RANBP1: variants seen among roughly 807,000 people sequenced by gnomAD.
RANBP1 encodes RAN binding protein 1, also known as ran-specific GTPase-activating protein.
RANBP1 carries 16 observed loss-of-function variants against 31.4 expected under a neutral mutation model. The observed-to-expected ratio is 0.51, with a 90% confidence interval of 0.34 to 0.77. The LOEUF (loss-of-function observed/expected upper bound fraction) is 0.77, where lower values mean the gene tolerates loss of function less well. RANBP1 is among the 30% of genes least tolerant of loss of function. RANBP1 has a pLI of 0.01. For synonymous variants in RANBP1, 129 were observed against 140.5 expected (o/e 0.92, Z 0.58); for missense variants, 265 against 362.0 (o/e 0.73, Z 2.17).
chr22:20,117,533 G>A, intron 1 of RANBP1: 2 of 1,360,800 alleles, frequency 1.5e-6, no homozygotes, highest in South Asian at 1.5e-5. Context: ...AGGGAAGAGC[G>A]GGCGGGCGGG....
intron 3 of RANBP1, 91 bp downstream of exon 3, chr22:20,122,512 G>T: frequency 6.3e-7 from 1 of 1,597,078 alleles, no homozygotes; most frequent in Non-Finnish European, 8.5e-7. Flanking sequence ...ACTGGGGAGC[G>T]TGTTATTTCA....
chr22:20,118,050 A>G, intron 1 of RANBP1: 1 of 994,420 alleles, frequency 1.0e-6, no homozygotes, highest in Non-Finnish European at 1.2e-6. Flanking sequence ...TCGCCCACGC[A>G]GCACTTCATT....
Position 20,118,090 on chromosome 22 carries a change from T to C in RANBP1, c.247-923T>C, listed in dbSNP as rs181848397. ...CGGTTCTTACGTCTGGAACCGCCAC[T>C]GGCCTCTGTGGCAGAAGCTCGCGTT... is the stretch of plus-strand genomic sequence containing the variant. On this transcript the variant is annotated intron_variant, in intron 1 of 5. Coordinates refer to ENST00000430524, the MANE Select transcript of RANBP1 (RefSeq NM_001278639.2). 9 of 999,566 alleles carry C rather than the reference T, an allele frequency of 9.0e-6. No homozygotes were observed. The East Asian group carries it at 4.5e-4, about 50-fold the overall frequency. 61.9% of individuals were successfully genotyped at this position (999,566 alleles called of 1,614,324 possible).
At chr22:20,121,913 AT>A (rs2050178985) in intron 2 of RANBP1, among the ~76,000 whole-genome samples, 1 of 149,490 alleles carries the variant, frequency 6.7e-6, no homozygotes, top group South Asian at 2.1e-4. Context: ...TGATTTTTGT[AT>A]TTGTAGTAGA....
At chr22:20,120,621 C>G (rs965530304) in intron 2 of RANBP1, among the ~76,000 whole-genome samples, 2 of 152,208 alleles carry the variant, frequency 1.3e-5, no homozygotes, top group African/African-American at 2.4e-5. Context: ...CCTGAGTGCA[C>G]TGCTGGATTC....
chr22:20,117,553 C>T (rs1431456908), intron 1 of RANBP1: 3 of 1,405,752 alleles, frequency 2.1e-6, no homozygotes, highest in East Asian at 3.2e-5. Flanking sequence ...GAGGCGCCGG[C>T]GCCAGACGCG....
At chr22:20,119,917 G>A (rs1380831841) in intron 2 of RANBP1, among the ~76,000 whole-genome samples, 1 of 152,188 alleles carries the variant, frequency 6.6e-6, no homozygotes, top group Non-Finnish European at 1.5e-5. Context: ...GCTTCTTGAC[G>A]CTTTCAGTTA....
At chr22:20,125,817 C>G (rs1212363103) in intron 4 of RANBP1, among the ~76,000 whole-genome samples, 2 of 152,276 alleles carry the variant, frequency 1.3e-5, no homozygotes, top group Non-Finnish European at 2.9e-5. Flanking sequence ...CCAGGGGCCC[C>G]TCATGGTTGC....
At chr22:20,116,763 TC>T in intron 1 of RANBP1, 1 of 1,332,256 alleles carries the variant, frequency 7.5e-7, no homozygotes, top group Non-Finnish European at 1.0e-6. Flanking sequence ...CCCATTCCCG[TC>T]TCCTTTCCTC....
At chr22:20,125,542 T>C (rs1035490502) in intron 4 of RANBP1, 106 bp downstream of exon 4, 10 of 1,540,452 alleles carry the variant, frequency 6.5e-6, no homozygotes, top group Non-Finnish European at 8.7e-6. Flanking sequence ...GAGGGGGCAG[T>C]AACTGGGAAG....
At position 20,119,159 on chromosome 22, in the gene RANBP1, C is replaced by T. The variant is rs2050119807; in HGVS notation, c.383+10C>T. 1.2e-6 allele frequency: 2 copies of T among 1,610,336 alleles called. No individual in the cohort carries two copies. The highest frequency in any genetic ancestry group is 2.2e-5 in the East Asian group (1 of 44,862). ...AGGAACTTTTTAAAATGTAAGTAGG[C>T]TGATGTCCCAGAAATAGGACTCTTT... On this transcript the variant is annotated intron_variant, in intron 2 of 5. Coordinates refer to ENST00000430524, the MANE Select transcript of RANBP1 (RefSeq NM_001278639.2).
intron 1 of RANBP1, chr22:20,117,156 CG>C (rs1487016692): frequency 3.6e-6 from 2 of 552,750 alleles, no homozygotes; most frequent in East Asian, 6.9e-5. Context: ...GCCAGGGGCC[CG>C]CGCCGGCCGC....
intron 1 of RANBP1, chr22:20,117,505 G>A (rs1307329902): frequency 4.0e-5 from 51 of 1,262,356 alleles, no homozygotes; most frequent in Non-Finnish European, 4.8e-5. Context: ...AGGGGTCGAG[G>A]TTCGGGTCGT....
Position 20,127,001 on chromosome 22 carries a change from A to C in RANBP1, c.786A>C (p.Glu262Asp), listed in dbSNP as rs1568986565. The change falls in exon 6 of 6, where the codon GAA becomes GAC. Residue 262 changes from glutamate to aspartate, a missense_variant. By Grantham distance (45) the Glu-to-Asp change is conservative. Around this residue, in one of 3 missense-constraint regions of RANBP1, gnomAD observed 49 missense variants for 47.9 expected, o/e 1.02. Coordinates refer to ENST00000430524, the MANE Select transcript of RANBP1 (RefSeq NM_001278639.2). ...DHAEKVAEKL[E>D]ALSVKEETKE... ...CCGAAAAAGTGGCGGAAAAGCTAGA[A>C]GCTCTCTCGGTGAAGGAGGAGACCA... is the stretch of plus-strand genomic sequence containing the variant. 7.4e-6 allele frequency: 12 copies of C among 1,613,446 alleles called. No homozygotes were observed. In the South Asian group the frequency reaches 1.1e-4, roughly 15 times the overall value.
intron 1 of RANBP1, chr22:20,117,288 A>T: frequency 1.3e-6 from 1 of 790,028 alleles, no homozygotes; most frequent in Non-Finnish European, 1.7e-6. Flanking sequence ...CACTTTAGCC[A>T]GCTCTAGAGG....
intron 1 of RANBP1, chr22:20,117,950 C>T (rs1602530126): frequency 7.9e-6 from 8 of 1,007,580 alleles, no homozygotes; most frequent in Non-Finnish European, 5.9e-6. Flanking sequence ...CGGGACGGCC[C>T]CAGCCTCCAG....
chr22:20,125,903 G>A (rs1452751513), intron 4 of RANBP1, among the ~76,000 whole-genome samples: 2 of 152,268 alleles, frequency 1.3e-5, no homozygotes, highest in African/African-American at 2.4e-5. Context: ...GGTCTTTCCA[G>A]TCCAGATCGT....
chr22:20,117,576 T>C, intron 1 of RANBP1: 1 of 1,400,480 alleles, frequency 7.1e-7, no homozygotes. Context: ...GGGAAGGAGC[T>C]ACGAGTAGCC....
chr22:20,123,110 T>TTGG, intron 3 of RANBP1, among the ~76,000 whole-genome samples: 1 of 112,126 alleles, frequency 8.9e-6, no homozygotes, highest in Non-Finnish European at 1.8e-5. Flanking sequence ...TCTGGGGGTG[T>TTGG]GTGTAGTGTC....
Sources: gnomAD v4.1 joint callset for allele counts (sites outside exome capture counted in the v4.1 genomes callset) on GRCh38, gnomAD v4.1.1 for gene constraint, gnomAD v4.1.1 regional missense constraint, MANE v1.5 for transcripts, NCBI Gene and HGNC (gene_info 2026-07-23, HGNC 2026-07-21) for gene names.